Variants in SSBP2 observed in about 807,000 individuals in gnomAD.
SSBP2 encodes single stranded DNA binding protein 2.
A neutral mutation model predicts 61.8 loss-of-function variants in SSBP2; 17 were observed. That is an observed-to-expected ratio of 0.28 (90% confidence interval 0.19 to 0.41). The LOEUF is 0.41. Ranked by LOEUF, SSBP2 falls within the 10% of genes least tolerant of loss-of-function variation. The probability of loss-of-function intolerance (pLI) is 1.00; values close to 1 mark genes in which losing one functional copy is unlikely to be tolerated. For missense variants in SSBP2, 310 were observed against 458.7 expected, an observed-to-expected ratio of 0.68 and a Z score of 2.96; for synonymous variants, 139 against 141.3, an observed-to-expected ratio of 0.98 and a Z score of 0.12.
At chr5:81,728,506 G>A (rs1756041066) in intron 1 of SSBP2, among the ~76,000 whole-genome samples, 1 of 152,108 alleles carries the variant, frequency 6.6e-6, no homozygotes, top group Admixed American at 6.6e-5. Context: ...TCCTGACTAT[G>A]ACTTAACAGC....
chr5:81,545,446 G>A (rs1451957049), intron 4 of SSBP2, among the ~76,000 whole-genome samples: 1 of 152,108 alleles, frequency 6.6e-6, no homozygotes, highest in Non-Finnish European at 1.5e-5. Context: ...ATAATTAGTA[G>A]TAGTAATACT....
intron 3 of SSBP2, chr5:81,616,641 TG>T (rs1205758518): frequency 1.4e-5 from 2 of 141,774 alleles, no homozygotes; most frequent in Non-Finnish European, 3.1e-5. Flanking sequence ...GCTCCACCTC[TG>T]GGGGCAGGGC....
intron 4 of SSBP2, among the ~76,000 whole-genome samples, chr5:81,537,258 C>G (rs1770879509): frequency 6.6e-6 from 1 of 152,032 alleles, no homozygotes; most frequent in Non-Finnish European, 1.5e-5. Context: ...ATCTTCTTAA[C>G]TACTGATGAC....
intron 16 of SSBP2, among the ~76,000 whole-genome samples, chr5:81,424,867 A>G (rs1040123180): frequency 2.6e-5 from 4 of 152,180 alleles, no homozygotes; most frequent in African/African-American, 4.8e-5. Flanking sequence ...CCACACTTCA[A>G]TGTTTCTATT....
intron 4 of SSBP2, among the ~76,000 whole-genome samples, chr5:81,561,771 T>C (rs1773058646): frequency 6.6e-6 from 1 of 152,296 alleles, no homozygotes; most frequent in Admixed American, 6.5e-5. Context: ...ATGCCTCTCA[T>C]CCATCATAAT....
chr5:81,425,155 C>T (rs1392072391), intron 16 of SSBP2, among the ~76,000 whole-genome samples: 1 of 152,148 alleles, frequency 6.6e-6, no homozygotes, highest in Non-Finnish European at 1.5e-5. Context: ...TTATTATGCC[C>T]AGTTCATGTA....
intron 1 of SSBP2, among the ~76,000 whole-genome samples, chr5:81,731,186 C>T (rs1450824101): frequency 6.6e-6 from 1 of 152,180 alleles, no homozygotes. Flanking sequence ...ATATCTATCT[C>T]ATTGGGACAG....
intron 4 of SSBP2, among the ~76,000 whole-genome samples, chr5:81,610,100 G>C (rs577779518): frequency 2.6e-5 from 4 of 152,102 alleles, no homozygotes; most frequent in African/African-American, 9.7e-5. Flanking sequence ...TAACACAGTC[G>C]GGCTGGGGCA....
intron 4 of SSBP2, among the ~76,000 whole-genome samples, chr5:81,612,613 C>T (rs1745560761): frequency 6.6e-6 from 1 of 152,018 alleles, no homozygotes; most frequent in Non-Finnish European, 1.5e-5. Context: ...TGTCAATATT[C>T]ATTCAATCTT....
intron 1 of SSBP2, among the ~76,000 whole-genome samples, chr5:81,690,835 AT>A (rs1753149770): frequency 6.6e-6 from 1 of 152,148 alleles, no homozygotes; most frequent in African/African-American, 2.4e-5. Context: ...AAGTCTTAAA[AT>A]ATTCCAAAAA....
At chr5:81,470,940 C>A (rs1291064396) in intron 8 of SSBP2, among the ~76,000 whole-genome samples, 1 of 151,642 alleles carries the variant, frequency 6.6e-6, no homozygotes, top group Non-Finnish European at 1.5e-5. Context: ...TCCCCTGATT[C>A]CAAATTATTT....
At chr5:81,636,496 A>T in intron 3 of SSBP2, 61 bp downstream of exon 3, 1 of 1,268,588 alleles carries the variant, frequency 7.9e-7, no homozygotes, top group Non-Finnish European at 1.1e-6. Flanking sequence ...ATAAACAGGT[A>T]TAGTACAGGC....
At chr5:81,747,826 G>GT (rs1391779587) in intron 1 of SSBP2, among the ~76,000 whole-genome samples, 1 of 152,084 alleles carries the variant, frequency 6.6e-6, no homozygotes, top group African/African-American at 2.4e-5. Context: ...TGCGATTAGT[G>GT]TTATAAAGAA....
chr5:81,645,567 A>G (rs1428069333), intron 2 of SSBP2, among the ~76,000 whole-genome samples: 2 of 152,252 alleles, frequency 1.3e-5, no homozygotes, highest in Non-Finnish European at 2.9e-5. Flanking sequence ...ATACCATGCA[A>G]AACTTCAAGG....
chr5:81,494,325 C>T (rs1047130581), intron 5 of SSBP2, among the ~76,000 whole-genome samples: 8 of 152,146 alleles, frequency 5.3e-5, no homozygotes, highest in Non-Finnish European at 1.0e-4. Context: ...CTCTGACATA[C>T]GGAAACTACA....
intron 1 of SSBP2, among the ~76,000 whole-genome samples, chr5:81,718,623 C>T (rs2153964181): frequency 6.6e-6 from 1 of 152,236 alleles, no homozygotes; most frequent in East Asian, 1.9e-4. Context: ...ACTGGGAAAG[C>T]TCTGAACTGA....
intron 4 of SSBP2, among the ~76,000 whole-genome samples, chr5:81,593,175 C>T (rs1251213695): frequency 6.6e-6 from 1 of 152,124 alleles, no homozygotes; most frequent in Non-Finnish European, 1.5e-5. Context: ...AACCAAGGCA[C>T]GAGAGCTACA....
chr5:81,750,374 G>A (rs1434369002), intron 1 of SSBP2, among the ~76,000 whole-genome samples: 3 of 145,118 alleles, frequency 2.1e-5, no homozygotes, highest in Non-Finnish European at 4.6e-5. Flanking sequence ...GCGTCTCCGC[G>A]CCCCGCGGGG....
chr5:81,581,292 G>GAGGCGACAGGATGGATAGA, intron 4 of SSBP2, among the ~76,000 whole-genome samples: 1 of 152,288 alleles, frequency 6.6e-6, no homozygotes, highest in East Asian at 1.9e-4. Flanking sequence ...GAATACTAAA[G>GAGGCGACAGGATGGATAGA]AGGCGACAGG....
Sources: gnomAD v4.1 joint callset for allele counts (sites outside exome capture counted in the v4.1 genomes callset) on GRCh38, gnomAD v4.1.1 for gene constraint, MANE v1.5 for transcripts, NCBI Gene and HGNC (gene_info 2026-07-23, HGNC 2026-07-21) for gene names.